Variants in GALNT17 observed in about 807,000 individuals in gnomAD.
GALNT17 encodes UDP-GalNAc:polypeptide N-acetylgalactosaminyltransferase-like 3.
A neutral mutation model predicts 63.7 loss-of-function variants in GALNT17; 29 were observed. The ratio of observed to expected loss-of-function variants is 0.46; its 90% confidence interval spans 0.34 to 0.62. The LOEUF is 0.62. Among genes scored for constraint, GALNT17 ranks in the 20% least tolerant of loss-of-function variants. GALNT17 has a pLI of 0.01. For missense variants in GALNT17, 603 were observed against 799.6 expected (o/e 0.75, Z 2.97); for synonymous variants, 305 against 318.3 (o/e 0.96, Z 0.45).
chr7:71,234,475 G>A lies in GALNT17; in HGVS notation c.239-101075G>A, dbSNP rs1191461307. Among the ~76,000 whole-genome samples, 3 of 152,050 alleles carry A rather than the reference G, an allele frequency of 2.0e-5. No individual in the cohort carries two copies. The East Asian group carries it at 5.8e-4, about 29-fold the overall frequency. On this transcript the variant is annotated intron_variant, in intron 1 of 10. Transcript: ENST00000333538. ...GACAGGGTTTCACTGTGTTGCCCAG[G>A]CTGGTCTTGAACTGCTGAGCTCAGG...
At chr7:71,162,509 A>C (rs1788368050) in intron 1 of GALNT17, among the ~76,000 whole-genome samples, 1 of 152,122 alleles carries the variant, frequency 6.6e-6, no homozygotes, top group Non-Finnish European at 1.5e-5. Context: ...CTCCTTGCTC[A>C]ACAATTATTA....
intron 1 of GALNT17, among the ~76,000 whole-genome samples, chr7:71,258,779 G>GA (rs917531454): frequency 8.5e-5 from 13 of 152,068 alleles, no homozygotes; most frequent in African/African-American, 2.7e-4. Flanking sequence ...CAGAAACCTG[G>GA]AAAAAAACAT....
intron 1 of GALNT17, among the ~76,000 whole-genome samples, chr7:71,188,450 G>T (rs1222562806): frequency 1.3e-5 from 2 of 152,128 alleles, no homozygotes; most frequent in Non-Finnish European, 2.9e-5. Context: ...GTATCACATT[G>T]TGGTTTTGAT....
At chr7:71,596,341 T>C (rs560431649) in intron 6 of GALNT17, among the ~76,000 whole-genome samples, 49 of 152,218 alleles carry the variant, frequency 3.2e-4, no homozygotes, top group Non-Finnish European at 6.5e-4. Context: ...CCTGGCCTGC[T>C]GCTTTGTTTT....
intron 6 of GALNT17, among the ~76,000 whole-genome samples, chr7:71,576,476 G>A (rs898191403): frequency 2.0e-5 from 3 of 151,958 alleles, no homozygotes; most frequent in Non-Finnish European, 4.4e-5. Context: ...CACCAGCAGT[G>A]TACAAGTGTT....
chr7:71,207,061 G>A (rs370394128), intron 1 of GALNT17, among the ~76,000 whole-genome samples: 15 of 151,802 alleles, frequency 9.9e-5, no homozygotes, highest in East Asian at 5.8e-4. Context: ...AGCCAAGATC[G>A]TGCCACTGCA....
intron 5 of GALNT17, among the ~76,000 whole-genome samples, chr7:71,539,459 A>T (rs919484276): frequency 6.6e-6 from 1 of 152,086 alleles, no homozygotes; most frequent in Admixed American, 6.5e-5. Flanking sequence ...AGAGCCTTCC[A>T]GCCCCTGTTG....
chr7:71,379,021 A>T (rs973329162), intron 2 of GALNT17, among the ~76,000 whole-genome samples: 1 of 151,916 alleles, frequency 6.6e-6, no homozygotes, highest in African/African-American at 2.4e-5. Context: ...AAAAAAGAAG[A>T]TGCTGTAGCT....
intron 1 of GALNT17, among the ~76,000 whole-genome samples, chr7:71,136,086 C>T (rs1376973413): frequency 1.1e-4 from 17 of 152,202 alleles, no homozygotes. Context: ...TCTCTCTCCA[C>T]CTGGCCCCTC....
intron 1 of GALNT17, among the ~76,000 whole-genome samples, chr7:71,277,015 TAAAG>T (rs953486844): frequency 6.6e-5 from 10 of 151,884 alleles, no homozygotes; most frequent in African/African-American, 1.4e-4. Context: ...AATAAATAAA[TAAAG>T]AAATAAATTA....
At chr7:71,153,694 A>T (rs1788175801) in intron 1 of GALNT17, among the ~76,000 whole-genome samples, 1 of 152,068 alleles carries the variant, frequency 6.6e-6, no homozygotes, top group Non-Finnish European at 1.5e-5. Flanking sequence ...AGGCCGGTGG[A>T]TCATTTGAGG....
intron 5 of GALNT17, among the ~76,000 whole-genome samples, chr7:71,442,371 G>C (rs1263307160): frequency 6.6e-6 from 1 of 151,910 alleles, no homozygotes; most frequent in Non-Finnish European, 1.5e-5. Context: ...TAATTTTTTT[G>C]TATTTTTTTA....
At chr7:71,662,340 G>C (rs111834842) in intron 6 of GALNT17, among the ~76,000 whole-genome samples, 1 of 128,360 alleles carries the variant, frequency 7.8e-6, no homozygotes, top group African/African-American at 2.8e-5. Flanking sequence ...CTATCTGTCT[G>C]TCTGTCTGTC....
chr7:71,224,303 C>T (rs1194415697), intron 1 of GALNT17, among the ~76,000 whole-genome samples: 3 of 152,184 alleles, frequency 2.0e-5, no homozygotes, highest in Non-Finnish European at 4.4e-5. Flanking sequence ...CTTGTCCTCC[C>T]AAAGTTTCGG....
intron 6 of GALNT17, among the ~76,000 whole-genome samples, chr7:71,602,983 C>T (rs1303359873): frequency 6.6e-6 from 1 of 151,844 alleles, no homozygotes; most frequent in East Asian, 1.9e-4. Flanking sequence ...GTGTATATAC[C>T]AGGTCCTATG....
chr7:71,292,263 T>A (rs1790991899), intron 1 of GALNT17, among the ~76,000 whole-genome samples: 1 of 152,068 alleles, frequency 6.6e-6, no homozygotes, highest in Admixed American at 6.6e-5. Flanking sequence ...GGTAGGCAAG[T>A]GACAGAAAAA....
At chr7:71,143,045 A>G (rs182851975) in intron 1 of GALNT17, among the ~76,000 whole-genome samples, 14 of 152,202 alleles carry the variant, frequency 9.2e-5, no homozygotes, top group African/African-American at 3.4e-4. Flanking sequence ...TTAAACAAGA[A>G]CACTTAGAAA....
chr7:71,143,940 C>T (rs527730009), intron 1 of GALNT17, among the ~76,000 whole-genome samples: 2 of 152,066 alleles, frequency 1.3e-5, no homozygotes, highest in Admixed American at 6.5e-5. Flanking sequence ...GTGGCTGGCC[C>T]TGCCATTCCT....
chr7:71,436,041 A>G (rs1786956784), intron 5 of GALNT17, among the ~76,000 whole-genome samples: 1 of 142,376 alleles, frequency 7.0e-6, no homozygotes, highest in African/African-American at 2.5e-5. Flanking sequence ...AAAAAAAAAA[A>G]ACAACTCTGA....
Sources: allele counts gnomAD v4.1 joint callset (sites outside exome capture counted in the v4.1 genomes callset), GRCh38; gene constraint gnomAD v4.1.1; transcripts MANE v1.5; gene names NCBI Gene and HGNC (gene_info 2026-07-23, HGNC 2026-07-21).